NIBAN2: variants seen among roughly 807,000 people sequenced by gnomAD.
The protein encoded by NIBAN2 is niban apoptosis regulator 2.
In NIBAN2, 36 loss-of-function variants were observed where a neutral mutation model predicts 81.8. The ratio of observed to expected loss-of-function variants is 0.44; its 90% CI spans 0.34 to 0.58. The LOEUF (loss-of-function observed/expected upper bound fraction) is 0.58. Ranked by LOEUF, NIBAN2 falls within the 20% of genes least tolerant of loss-of-function variation. The pLI is 0.02. For synonymous variants in NIBAN2, 445 were observed against 441.6 expected (o/e 1.01, Z -0.10); for missense variants, 897 against 1,014.1 (o/e 0.88, Z 1.57).
upstream of NIBAN2, among the ~76,000 whole-genome samples, chr9:127,571,731 A>G (rs1837948300): frequency 6.6e-6 from 1 of 152,094 alleles, no homozygotes; most frequent in Non-Finnish European, 1.5e-5. Context: ...CAGAAAGTGG[A>G]AAGGCATTGT....
At chr9:127,530,961 C>T (rs1308129007) in intron 2 of NIBAN2, among the ~76,000 whole-genome samples, 1 of 152,054 alleles carries the variant, frequency 6.6e-6, no homozygotes, top group Non-Finnish European at 1.5e-5. Flanking sequence ...TGGAGGATCA[C>T]TTGAGCCCAG....
rs143275059 is a variant in NIBAN2, at chr9:127,531,705, G to T, written c.129C>A (p.Ser43Arg). The change falls in exon 2 of 14, where the codon AGC becomes AGA. Residue 43 changes from serine (S) to arginine (R), a missense_variant. This residue lies in a region of NIBAN2 where 209 missense variants were observed against 208.4 expected (regional missense o/e 1.00). Transcript: ENST00000373312. ...CCGTGCCCTCAATCTCATGGCGCAT[G>T]CTGTTGAAGAGAGCCACGCCATACT... The part of the protein sequence containing the change: ...EDQYGVALFN[S>R]MRHEIEGTGL... The T allele has an allele frequency of 4.0e-5, 64 of 1,614,064 alleles. No homozygotes were observed. The highest frequency in any genetic ancestry group is 5.3e-5 in the Non-Finnish European group (62 of 1,180,062).
chr9:127,571,205 A>G (rs913836070), upstream of NIBAN2, among the ~76,000 whole-genome samples: 25 of 144,890 alleles, frequency 1.7e-4, no homozygotes, highest in African/African-American at 6.3e-4. Flanking sequence ...CAGCCTGCCT[A>G]CCATGTGAGG....
At chr9:127,529,138 G>T (rs768697566) in intron 2 of NIBAN2, among the ~76,000 whole-genome samples, 2 of 152,208 alleles carry the variant, frequency 1.3e-5, no homozygotes, top group Non-Finnish European at 2.9e-5. Flanking sequence ...TAGACTCTGC[G>T]AAGCTCTCCA....
chr9:127,540,961 A>G (rs2488897), intron 1 of NIBAN2, among the ~76,000 whole-genome samples: 123,409 of 152,254 alleles, frequency 0.81, 50,476 homozygotes, highest in Middle Eastern at 0.86. Flanking sequence ...AGGGTGGGGC[A>G]GGCTCAGAAC....
intron 1 of NIBAN2, among the ~76,000 whole-genome samples, chr9:127,540,729 C>T (rs1837362556): frequency 6.6e-6 from 1 of 152,236 alleles, no homozygotes; most frequent in African/African-American, 2.4e-5. Context: ...GAGTCATCTC[C>T]AGCTGCGACC....
At position 127,506,136 on chromosome 9, in the gene NIBAN2, T is replaced by TCTCA. The variant is rs3831357; in HGVS notation, c.*705_*708dup. ...GCTCCCCATAACCCTCACTCAGCCATCTCACTCACTCACTCCCAGCATCCC... is the reference window on the plus strand; with the variant it reads ...GCTCCCCATAACCCTCACTCAGCCATCTCACTCACTCACTCACTCCCAGCATCCC... On this transcript the variant is annotated 3_prime_UTR_variant, in exon 14 of 14. Coordinates refer to ENST00000373312, the MANE Select transcript of NIBAN2 (RefSeq NM_022833.4). The TCTCA allele has an allele frequency of 0.49, 74,792 of 151,536 alleles. 19,793 individuals are homozygous for TCTCA. The highest frequency in any genetic ancestry group is 0.6 in the Middle Eastern group (177 of 296). 9.4% of individuals were successfully genotyped at this position (151,536 alleles called of 1,614,324 possible).
intron 1 of NIBAN2, among the ~76,000 whole-genome samples, chr9:127,540,080 G>A (rs760843442): frequency 1.1e-4 from 17 of 152,252 alleles, no homozygotes; most frequent in Non-Finnish European, 2.5e-4. Context: ...CTAACCCACA[G>A]TGAGGCCCTT....
At chr9:127,562,568 G>A (rs1446545931) in intron 1 of NIBAN2, among the ~76,000 whole-genome samples, 4 of 152,090 alleles carry the variant, frequency 2.6e-5, no homozygotes, top group East Asian at 1.9e-4. Flanking sequence ...ATCAGTCCCC[G>A]TCCCCAGTAC....
At chr9:127,530,964 G>A in intron 2 of NIBAN2, among the ~76,000 whole-genome samples, 1 of 152,074 alleles carries the variant, frequency 6.6e-6, no homozygotes, top group Admixed American at 6.6e-5. Flanking sequence ...AGGATCACTT[G>A]AGCCCAGGAG....
Position 127,554,548 on chromosome 9 carries a change from C to CT in NIBAN2, c.55+14271dup, listed in dbSNP as rs1230242603. Among the ~76,000 whole-genome samples the CT allele has an allele frequency of 5.6e-3, 580 of 103,680 alleles. 2 individuals carry two copies. The highest frequency in any genetic ancestry group is 7.8e-3 in the Non-Finnish European group (422 of 54,328). 68.0% of individuals were successfully genotyped at this position (103,680 alleles called of 152,430 possible). A position where few individuals can be genotyped will look rare whatever the true frequency, so the allele number is the denominator to read the frequency against. Reference sequence around the variant, plus strand: ...GGGTTATTCTTTTCTTTTTCTTTTTCTTTTTTTTTTTTTTTTTTTTTTTGC... The same window carrying CT: ...GGGTTATTCTTTTCTTTTTCTTTTTCTTTTTTTTTTTTTTTTTTTTTTTTGC... On this transcript the variant is annotated intron_variant, in intron 1 of 13. Transcript: ENST00000373312.
chr9:127,511,259 G>A (rs1464912058), intron 8 of NIBAN2, among the ~76,000 whole-genome samples: 1 of 152,058 alleles, frequency 6.6e-6, no homozygotes, highest in Non-Finnish European at 1.5e-5. Context: ...TATTGGCCAG[G>A]CTGGTCTCAA....
chr9:127,523,654 GA>G (rs779193256), intron 5 of NIBAN2, 24 bp downstream of exon 5: 2 of 1,591,846 alleles, frequency 1.3e-6, no homozygotes, highest in Non-Finnish European at 1.7e-6. Context: ...CCCTCCCACC[GA>G]CCCTGCACCC....
chr9:127,577,689 A>G (rs1265119479), intron 1 of NIBAN2, among the ~76,000 whole-genome samples: 1 of 148,702 alleles, frequency 6.7e-6, no homozygotes, highest in Non-Finnish European at 1.5e-5. Flanking sequence ...CAAACACAAA[A>G]TGGGCTTCTC....
At chr9:127,554,434 G>A (rs1837629386) in intron 1 of NIBAN2, among the ~76,000 whole-genome samples, 1 of 151,810 alleles carries the variant, frequency 6.6e-6, no homozygotes. Context: ...CCCTGTGCTT[G>A]CAACCCCCTT....
chr9:127,558,761 C>T (rs977017115), intron 1 of NIBAN2, among the ~76,000 whole-genome samples: 1 of 152,178 alleles, frequency 6.6e-6, no homozygotes, highest in Non-Finnish European at 1.5e-5. Flanking sequence ...ATTGTCAGCT[C>T]CCTCCTCCTC....
At chr9:127,573,541 A>G (rs1485350430), upstream of NIBAN2, among the ~76,000 whole-genome samples, 9 of 151,814 alleles carry the variant, frequency 5.9e-5, no homozygotes, top group Admixed American at 1.3e-4. Context: ...TCTCAACTCT[A>G]AAATGCTGGA....
chr9:127,556,745 A>G (rs1381867072), intron 1 of NIBAN2, among the ~76,000 whole-genome samples: 1 of 152,168 alleles, frequency 6.6e-6, no homozygotes, highest in Non-Finnish European at 1.5e-5. Flanking sequence ...ATGGTGAGTT[A>G]GCCCGCAGGT....
chr9:127,550,115 C>G (rs1374778486), intron 1 of NIBAN2, among the ~76,000 whole-genome samples: 1 of 152,188 alleles, frequency 6.6e-6, no homozygotes, highest in Non-Finnish European at 1.5e-5. Flanking sequence ...GCTAAGAGCA[C>G]TGGGCCCCAA....
Sources: allele counts gnomAD v4.1 joint callset (sites outside exome capture counted in the v4.1 genomes callset), GRCh38; gene constraint gnomAD v4.1.1; regional missense constraint gnomAD v4.1.1; transcripts MANE v1.5; gene names NCBI Gene and HGNC (gene_info 2026-07-23, HGNC 2026-07-21).